XPNPEP3: variants seen among roughly 807,000 people sequenced by gnomAD.
XPNPEP3 encodes the protein xaa-Pro aminopeptidase 3.
XPNPEP3 carries 41 observed loss-of-function variants against 60.0 expected under a neutral mutation model. The ratio of observed to expected loss-of-function variants is 0.68; its 90% CI spans 0.53 to 0.89. XPNPEP3 has a LOEUF of 0.89. XPNPEP3 is among the 40% of genes least tolerant of loss of function. XPNPEP3 has a pLI of 0.00. For missense variants in XPNPEP3, 598 were observed against 638.9 expected (o/e 0.94, Z 0.69); for synonymous variants, 212 against 223.2 (o/e 0.95, Z 0.45).
chr22:40,858,833 G>A (rs1373266579), intron 1 of XPNPEP3, among the ~76,000 whole-genome samples: 1 of 152,146 alleles, frequency 6.6e-6, no homozygotes, highest in East Asian at 1.9e-4. Context: ...CCCGGCTTAG[G>A]AAAAGATTTT....
In XPNPEP3 at chr22:40,926,913, G is replaced by A; in HGVS notation, c.*478G>A. ...AAAAATTCATCTTTCGGTGATTGTG[G>A]GCGGCCAATACATACCTTCTGTAAC... On this transcript the variant is annotated 3_prime_UTR_variant, in exon 10 of 10. Transcript: ENST00000357137. The A allele has an allele frequency of 4.2e-6, 1 of 237,002 alleles. No homozygotes were observed. The highest frequency in any genetic ancestry group is 5.0e-5 in the South Asian group (1 of 20,064). The allele number at this position is 237,002 out of a possible 1,614,324, so 14.7% of individuals were successfully genotyped here.
intron 1 of XPNPEP3, among the ~76,000 whole-genome samples, chr22:40,858,258 C>T (rs1486830913): frequency 6.6e-6 from 1 of 151,986 alleles, no homozygotes. Context: ...AGGCGTGTGC[C>T]ACCACGCCTG....
intron 4 of XPNPEP3, among the ~76,000 whole-genome samples, chr22:40,892,387 A>G (rs2058091693): frequency 6.6e-6 from 1 of 152,062 alleles, no homozygotes; most frequent in African/African-American, 2.4e-5. Flanking sequence ...GGGTTTCACC[A>G]TGTTGGCCAG....
At chr22:40,857,351 C>T (rs778612934) in intron 1 of XPNPEP3, 106 bp downstream of exon 1, 32 of 1,241,788 alleles carry the variant, frequency 2.6e-5, no homozygotes, top group Admixed American at 1.6e-4. Context: ...GTGGGGCCTC[C>T]GCTCCCCAAC....
At chr22:40,858,004 A>C (rs2057913480) in intron 1 of XPNPEP3, among the ~76,000 whole-genome samples, 1 of 152,272 alleles carries the variant, frequency 6.6e-6, no homozygotes, top group Non-Finnish European at 1.5e-5. Context: ...ACTATAAAAA[A>C]TAAAAAGTTA....
At chr22:40,884,036 A>G (rs1452462583) in intron 3 of XPNPEP3, among the ~76,000 whole-genome samples, 2 of 152,184 alleles carry the variant, frequency 1.3e-5, no homozygotes. Flanking sequence ...TGTTTCCTGT[A>G]AAGCCTCTTT....
chr22:40,888,358 CT>C, intron 4 of XPNPEP3: 1 of 402,184 alleles, frequency 2.5e-6, no homozygotes, highest in South Asian at 1.8e-5. Flanking sequence ...ATCCTCCCAC[CT>C]TAGCCTCCCA....
At chr22:40,908,059 C>T (rs997120673) in intron 5 of XPNPEP3, among the ~76,000 whole-genome samples, 4 of 151,406 alleles carry the variant, frequency 2.6e-5, no homozygotes, top group African/African-American at 9.7e-5. Context: ...ACTAAAAATA[C>T]AAAAATTAGC....
intron 4 of XPNPEP3, among the ~76,000 whole-genome samples, chr22:40,886,897 G>C (rs189651484): frequency 1.4e-3 from 218 of 151,976 alleles, no homozygotes; most frequent in Admixed American, 2.4e-3. Flanking sequence ...AGCTCTTGAG[G>C]TCGTATACCC....
chr22:40,907,984 C>T (rs769134111), intron 5 of XPNPEP3, among the ~76,000 whole-genome samples: 31 of 151,922 alleles, frequency 2.0e-4, no homozygotes, highest in Admixed American at 2.6e-4. Context: ...GAGGCCAAGG[C>T]GGGCAGATCA....
At position 40,878,093 on chromosome 22, in the gene XPNPEP3, C is replaced by A. The variant is rs2058034398; in HGVS notation, c.182-3677C>A. On this transcript the variant is annotated intron_variant, in intron 2 of 9. Coordinates refer to ENST00000357137, the MANE Select transcript of XPNPEP3 (RefSeq NM_022098.4). ...TGGTGGCACATTCCTGTAATCCCAG[C>A]TACTTGGGAACCTGGGGCAGGAGAA... is the stretch of plus-strand genomic sequence containing the variant. Among the ~76,000 whole-genome samples the A allele has an allele frequency of 2.0e-5, 3 of 151,848 alleles. No individual in the cohort carries two copies. In the South Asian group the frequency reaches 6.2e-4, roughly 31 times the overall value.
chr22:40,869,078 G>A lies in XPNPEP3; in HGVS notation c.144G>A (p.Gln48=). 2 of 1,614,018 alleles carry A rather than the reference G, an allele frequency of 1.2e-6. No homozygotes were observed. The highest frequency in any genetic ancestry group is 1.7e-6 in the Non-Finnish European group (2 of 1,179,940). The change falls in exon 2 of 10, where the codon CAG becomes CAA. Residue 48 remains glutamine, a synonymous_variant. Transcript: ENST00000357137. ...GGATTCCAAACCGATACTTAGGCCAGCCCAGCCCCTTTACACACCCACACC... is the reference window on the plus strand; with the variant it reads ...GGATTCCAAACCGATACTTAGGCCAACCCAGCCCCTTTACACACCCACACC... ...ERRIPNRYLG[Q]PSPFTHPHLL... is the part of the protein sequence containing the mutation.
rs113051037 is a variant in XPNPEP3, at chr22:40,875,211, T to C, written c.181+6096T>C. Among the ~76,000 whole-genome samples, 152 of 152,286 alleles carry C rather than the reference T, an allele frequency of 1.0e-3. 3 individuals are homozygous for C. Among genetic ancestry groups the C allele is most frequent in the African/African-American group, 3.6e-3 (149 of 41,552 alleles). On this transcript the variant is annotated intron_variant, in intron 2 of 9. Coordinates refer to ENST00000357137, the MANE Select transcript of XPNPEP3 (RefSeq NM_022098.4). ...CTTTTTTTGAGATGGGGTCTTGCTC[T>C]GTCTCCCAGGCTAAACTGCAGCGGC... is the stretch of plus-strand genomic sequence containing the variant.
Position 40,922,432 on chromosome 22 carries a change from C to T in XPNPEP3, c.1155C>T (p.Tyr385=). The part of the protein sequence containing the change: ...CFPGTSLENI[Y]SMMLTLIGQK... ...CTGGGACAAGCTTGGAGAACATCTA[C>T]AGCATGATGCTGACCCTGATAGGAC... Residue 385 remains tyrosine (Y), a synonymous_variant, in exon 8 of 10, where the codon TAC becomes TAT. Transcript: ENST00000357137. 1.2e-6 allele frequency: 2 copies of T among 1,613,946 alleles called. No individual in the cohort carries two copies. The highest frequency in any genetic ancestry group is 1.1e-5 in the South Asian group (1 of 91,072).
intron 4 of XPNPEP3, among the ~76,000 whole-genome samples, chr22:40,902,471 C>G (rs970476396): frequency 6.6e-6 from 1 of 151,998 alleles, no homozygotes; most frequent in African/African-American, 2.4e-5. Context: ...AGGATGGTCT[C>G]GATCTCCTGA....
chr22:40,899,029 A>G (rs1336422974), intron 4 of XPNPEP3, among the ~76,000 whole-genome samples: 1 of 152,222 alleles, frequency 6.6e-6, no homozygotes, highest in Non-Finnish European at 1.5e-5. Flanking sequence ...ATTCAAAATG[A>G]GAGATACTGT....
At chr22:40,864,218 C>G (rs943029698) in intron 1 of XPNPEP3, among the ~76,000 whole-genome samples, 1 of 152,198 alleles carries the variant, frequency 6.6e-6, no homozygotes, top group Non-Finnish European at 1.5e-5. Flanking sequence ...TATAGGGTAA[C>G]TTCCTGACGT....
intron 4 of XPNPEP3, among the ~76,000 whole-genome samples, chr22:40,904,939 T>C (rs1337950360): frequency 6.6e-6 from 1 of 152,078 alleles, no homozygotes; most frequent in African/African-American, 2.4e-5. Flanking sequence ...AAATTTTTTG[T>C]ATTTTTAGTG....
intron 2 of XPNPEP3, among the ~76,000 whole-genome samples, chr22:40,873,949 A>G (rs1462514333): frequency 2.0e-5 from 3 of 152,206 alleles, no homozygotes; most frequent in South Asian, 2.1e-4. Flanking sequence ...AAGAGTTTCA[A>G]AATCAGCTGC....
Sources: gnomAD v4.1 joint callset for allele counts (sites outside exome capture counted in the v4.1 genomes callset) on GRCh38, gnomAD v4.1.1 for gene constraint, MANE v1.5 for transcripts, NCBI Gene and HGNC (gene_info 2026-07-23, HGNC 2026-07-21) for gene names.